MLIP: variants seen among roughly 807,000 people sequenced by gnomAD.
MLIP encodes the protein muscular LMNA-interacting protein.
In MLIP, 79 loss-of-function variants were observed where a neutral mutation model predicts 84.8. The ratio of observed to expected loss-of-function variants is 0.93; its 90% CI spans 0.78 to 1.12. The LOEUF is 1.12. Among genes scored for constraint, MLIP ranks in the 50% most tolerant of loss-of-function variants. The pLI is 0.00. For synonymous variants in MLIP, 504 were observed against 463.0 expected (o/e 1.09, Z -1.14); for missense variants, 1,257 against 1,160.6 (o/e 1.08, Z -1.21).
intron 1 of MLIP, among the ~76,000 whole-genome samples, chr6:54,070,989 C>G (rs897743505): frequency 6.6e-6 from 1 of 152,088 alleles, no homozygotes; most frequent in Admixed American, 6.6e-5. Flanking sequence ...TATTTCCCAT[C>G]ATGGACCCAT....
chr6:54,198,846 T>A (rs921059427), intron 10 of MLIP, among the ~76,000 whole-genome samples: 1 of 151,280 alleles, frequency 6.6e-6, no homozygotes, highest in Non-Finnish European at 1.5e-5. Flanking sequence ...AATTATGGAG[T>A]ATTTTAGGAG....
intron 11 of MLIP, among the ~76,000 whole-genome samples, chr6:54,228,756 C>T (rs1425631206): frequency 6.6e-6 from 1 of 152,198 alleles, no homozygotes; most frequent in African/African-American, 2.4e-5. Context: ...CAAGAAAAAA[C>T]TGAAGCCTGA....
intron 9 of MLIP, among the ~76,000 whole-genome samples, chr6:54,170,963 C>G (rs944232516): frequency 6.6e-5 from 10 of 151,370 alleles, no homozygotes; most frequent in Non-Finnish European, 1.0e-4. Context: ...ATACATTTTA[C>G]AAGAGCCAGA....
At chr6:54,260,813 C>T (rs1347933198) in intron 13 of MLIP, among the ~76,000 whole-genome samples, 2 of 151,900 alleles carry the variant, frequency 1.3e-5, no homozygotes, top group African/African-American at 4.8e-5. Context: ...ACATTCCATA[C>T]AAGGTTTGGA....
At chr6:54,123,449 C>A (rs1770641213) in intron 2 of MLIP, among the ~76,000 whole-genome samples, 1 of 152,068 alleles carries the variant, frequency 6.6e-6, no homozygotes, top group Admixed American at 6.6e-5. Context: ...AAATTTTAAT[C>A]AGAGGCAATT....
At chr6:54,107,181 T>C (rs186006463), upstream of MLIP, among the ~76,000 whole-genome samples, 203 of 152,326 alleles carry the variant, frequency 1.3e-3, no homozygotes, top group Middle Eastern at 3.4e-3. Flanking sequence ...TTGAAGCTTT[T>C]GGTTTACTTT....
At chr6:54,088,734 G>A (rs562644757) in intron 1 of MLIP, among the ~76,000 whole-genome samples, 1 of 152,066 alleles carries the variant, frequency 6.6e-6, no homozygotes, top group Non-Finnish European at 1.5e-5. Context: ...ATCCATTAGG[G>A]TATGGAGAAA....
intron 9 of MLIP, among the ~76,000 whole-genome samples, chr6:54,183,357 TCA>T (rs1777074317): frequency 6.6e-6 from 1 of 152,202 alleles, no homozygotes; most frequent in Non-Finnish European, 1.5e-5. Flanking sequence ...ATTACTTATT[TCA>T]TTTTATATTT....
intron 9 of MLIP, among the ~76,000 whole-genome samples, chr6:54,182,070 A>G (rs1776928520): frequency 6.6e-6 from 1 of 152,188 alleles, no homozygotes; most frequent in African/African-American, 2.4e-5. Flanking sequence ...AGCTCAGTGC[A>G]GTACTAGGAG....
intron 1 of MLIP, among the ~76,000 whole-genome samples, chr6:54,077,852 C>T (rs1283522815): frequency 6.6e-6 from 1 of 152,170 alleles, no homozygotes; most frequent in Non-Finnish European, 1.5e-5. Flanking sequence ...GTTTTCTTGC[C>T]AGACATATAG....
chr6:54,225,006 G>T (rs774047108), intron 11 of MLIP, among the ~76,000 whole-genome samples: 1 of 152,156 alleles, frequency 6.6e-6, no homozygotes, highest in Non-Finnish European at 1.5e-5. Context: ...GGGCATTTGG[G>T]TTGGTTCCAT....
chr6:54,128,390 ACCTAT>A (rs1771102282), intron 3 of MLIP, among the ~76,000 whole-genome samples: 1 of 152,082 alleles, frequency 6.6e-6, no homozygotes, highest in Non-Finnish European at 1.5e-5. Flanking sequence ...GTATAAAAGC[ACCTAT>A]GAAAAAAGAG....
chr6:54,061,288 A>G (rs1765951026), intron 1 of MLIP, among the ~76,000 whole-genome samples: 1 of 152,172 alleles, frequency 6.6e-6, no homozygotes, highest in Non-Finnish European at 1.5e-5. Context: ...ACTTTTCTTG[A>G]GGACGAGGAC....
chr6:54,155,263 C>T (rs1482091086), intron 5 of MLIP, among the ~76,000 whole-genome samples: 1 of 152,026 alleles, frequency 6.6e-6, no homozygotes, highest in East Asian at 1.9e-4. Context: ...ACTAGACAAT[C>T]AAAGTGAGAT....
intron 12 of MLIP, among the ~76,000 whole-genome samples, chr6:54,247,582 G>A (rs1782170239): frequency 6.6e-6 from 1 of 152,138 alleles, no homozygotes; most frequent in African/African-American, 2.4e-5. Flanking sequence ...GATGGTAAAA[G>A]GGTCAGAAAA....
At chr6:54,070,991 T>G (rs1354063867) in intron 1 of MLIP, among the ~76,000 whole-genome samples, 1 of 152,168 alleles carries the variant, frequency 6.6e-6, no homozygotes, top group African/African-American at 2.4e-5. Flanking sequence ...TTTCCCATCA[T>G]GGACCCATTG....
chr6:54,241,725 A>G (rs1781749355), intron 12 of MLIP, among the ~76,000 whole-genome samples: 1 of 152,212 alleles, frequency 6.6e-6, no homozygotes, highest in Non-Finnish European at 1.5e-5. Flanking sequence ...TGATATGTCA[A>G]CACAATATTT....
In MLIP at chr6:54,202,106, C is replaced by A; in HGVS notation, c.2591C>A (p.Thr864Asn). 1 of 1,571,860 alleles carries A rather than the reference C, an allele frequency of 6.4e-7. No homozygotes were observed. Among genetic ancestry groups the A allele is most frequent in the Non-Finnish European group, 8.6e-7 (1 of 1,158,346 alleles). Residue 864 changes from threonine to asparagine, a missense_variant and splice_region_variant, in exon 11 of 14, where the codon ACT (threonine) becomes AAT (asparagine). By Grantham distance (65) the Thr-to-Asn change is moderately conservative. Coordinates refer to ENST00000502396, the MANE Select transcript of MLIP (RefSeq NM_001281747.2). Reference protein sequence around the residue: ...PSSTVSESQLTKPGVIRPVPV... With the variant: ...PSSTVSESQLNKPGVIRPVPV... ...AATATTTATTTTACATTCATGAAGA[C>A]TAAGCCTGGAGTAATTCGCCCAGTA...
At chr6:54,099,548 C>T (rs1422733396) in intron 1 of MLIP, 1 of 152,084 alleles carries the variant, frequency 6.6e-6, no homozygotes, top group Non-Finnish European at 1.5e-5. Flanking sequence ...GTATGGGCAG[C>T]ATATTGGAAT....
Sources: allele counts gnomAD v4.1 joint callset (sites outside exome capture counted in the v4.1 genomes callset), GRCh38; gene constraint gnomAD v4.1.1; transcripts MANE v1.5; gene names NCBI Gene and HGNC (gene_info 2026-07-23, HGNC 2026-07-21).